The following MGAT5 variants were observed in gnomAD, a reference collection of about 807,000 sequenced individuals.
MGAT5 encodes the protein alpha-1,6-mannosylglycoprotein 6-beta-N-acetylglucosaminyltransferase, also known as alpha-1,6-mannosylglycoprotein 6-beta-N-acetylglucosaminyltransferase A.
MGAT5 carries 30 observed loss-of-function variants against 94.3 expected under a neutral mutation model. That is an observed-to-expected ratio of 0.32 (90% confidence interval 0.24 to 0.43). The LOEUF is 0.43. Ranked by LOEUF, MGAT5 falls within the 20% of genes least tolerant of loss-of-function variation. The pLI, the probability that MGAT5 is intolerant of heterozygous loss-of-function variation, is 1.00. For missense variants in MGAT5, 691 were observed against 905.5 expected, an observed-to-expected ratio of 0.76 and a Z score of 3.04; for synonymous variants, 310 against 322.9, an observed-to-expected ratio of 0.96 and a Z score of 0.43.
At chr2:134,169,605 G>C (rs1021808432) in intron 1 of MGAT5, among the ~76,000 whole-genome samples, 1 of 152,210 alleles carries the variant, frequency 6.6e-6, no homozygotes, top group East Asian at 1.9e-4. Context: ...GATGAATGCT[G>C]TGGTGGTATA....
At chr2:134,357,926 T>C (rs1176679238) in intron 9 of MGAT5, among the ~76,000 whole-genome samples, 2 of 152,098 alleles carry the variant, frequency 1.3e-5, no homozygotes, top group African/African-American at 4.8e-5. Flanking sequence ...AACATTACTA[T>C]GTATAGTTTT....
At chr2:134,372,870 C>A (rs1398015466) in intron 10 of MGAT5, among the ~76,000 whole-genome samples, 1 of 152,190 alleles carries the variant, frequency 6.6e-6, no homozygotes, top group Non-Finnish European at 1.5e-5. Flanking sequence ...GAAAAGAGGC[C>A]CTTGGTGCTC....
intron 1 of MGAT5, among the ~76,000 whole-genome samples, chr2:134,137,913 A>T (rs1236983489): frequency 6.6e-6 from 1 of 151,112 alleles, no homozygotes; most frequent in Non-Finnish European, 1.5e-5. Flanking sequence ...AAATGGAAAT[A>T]GCAAAGTTAT....
rs1279530936 is a variant in MGAT5 at position 134,452,438 on chromosome 2, GTTTC to G, written c.*3595_*3598del. 1 of 152,036 alleles carries G rather than the reference GTTTC, an allele frequency of 6.6e-6. No individual in the cohort carries two copies. Among genetic ancestry groups the G allele is most frequent in the Non-Finnish European group, 1.5e-5 (1 of 67,978 alleles). The allele number at this position is 152,036 out of a possible 1,614,324, so 9.4% of individuals were successfully genotyped here. A position where few individuals can be genotyped will look rare whatever the true frequency, so the allele number is the denominator to read the frequency against. On this transcript the variant is annotated 3_prime_UTR_variant, in exon 16 of 16. Coordinates refer to ENST00000281923, the MANE Select transcript of MGAT5 (RefSeq NM_002410.5). The stretch of plus-strand genomic sequence containing the variant: ...GGGAAAGAACGTGCACCCCTTTTTT[GTTTC>G]TTTAGTGAATGCAAGATTTAATAAA...
At chr2:134,154,514 G>A (rs1234410093) in intron 1 of MGAT5, among the ~76,000 whole-genome samples, 2 of 152,138 alleles carry the variant, frequency 1.3e-5, no homozygotes, top group Non-Finnish European at 2.9e-5. Flanking sequence ...CAGTGGTTCC[G>A]CCCGTCCAGG....
At chr2:134,281,413 T>G (rs1000773072) in intron 2 of MGAT5, among the ~76,000 whole-genome samples, 2 of 152,214 alleles carry the variant, frequency 1.3e-5, no homozygotes, top group Non-Finnish European at 2.9e-5. Flanking sequence ...GAGTTCACCA[T>G]CTACCGGAGG....
Position 134,403,071 on chromosome 2 carries a change from C to T in MGAT5, c.1464C>T (p.Pro488=), listed in dbSNP as rs759125599. 17 of 1,612,158 alleles carry T rather than the reference C, an allele frequency of 1.1e-5. No homozygotes were observed. The highest frequency in any genetic ancestry group is 1.4e-5 in the Non-Finnish European group (17 of 1,179,662). The stretch of plus-strand genomic sequence containing the variant: ...ATGGCTCCAGCACAAAGAATATTCC[C>T]AGTTACGTGAAAAACCATGGTATCC... ...TVYGSSTKNI[P]SYVKNHGILS... The change falls in exon 11 of 16, where the codon CCC becomes CCT. Residue 488 remains proline, a synonymous_variant. Transcript: ENST00000281923.
At chr2:134,239,108 C>T (rs1010564786) in intron 1 of MGAT5, among the ~76,000 whole-genome samples, 3 of 152,168 alleles carry the variant, frequency 2.0e-5, no homozygotes, top group Admixed American at 1.3e-4. Flanking sequence ...AAGCAATTCT[C>T]CTGCCTCAGC....
At chr2:134,212,730 G>T (rs1680267350) in intron 1 of MGAT5, among the ~76,000 whole-genome samples, 2 of 152,322 alleles carry the variant, frequency 1.3e-5, no homozygotes, top group South Asian at 4.1e-4. Flanking sequence ...ATGGAAAATG[G>T]TGGGAAGAGG....
chr2:134,169,188 A>G (rs1688083831), intron 1 of MGAT5, among the ~76,000 whole-genome samples: 1 of 152,170 alleles, frequency 6.6e-6, no homozygotes, highest in Non-Finnish European at 1.5e-5. Context: ...TTTTGTTTGT[A>G]GGGCATTTAT....
Position 134,254,202 on chromosome 2 carries a change from C to A in MGAT5, c.-202C>A. 1.6e-6 allele frequency: 1 copy of A among 608,218 alleles called. No individual in the cohort carries two copies. The highest frequency in any genetic ancestry group is 2.9e-6 in the Non-Finnish European group (1 of 347,130). 37.7% of individuals were successfully genotyped at this position (608,218 alleles called of 1,614,324 possible). On this transcript the variant is annotated 5_prime_UTR_variant, in exon 1 of 16. In the 5' UTR this introduces an upstream ATG that the reference lacks. Transcript: ENST00000281923. ...AGGTATTCAAGTGAAAACATGGCTT[C>A]TGGTTTATTTTGCTGTATTGTGCCA...
intron 2 of MGAT5, among the ~76,000 whole-genome samples, chr2:134,276,162 C>G (rs891301709): frequency 6.0e-5 from 9 of 150,402 alleles, no homozygotes; most frequent in Admixed American, 1.3e-4. Flanking sequence ...CAAGCCCCCC[C>G]ACCCCCGCCG....
At chr2:134,219,480 C>G (rs533184786) in intron 1 of MGAT5, among the ~76,000 whole-genome samples, 1 of 152,206 alleles carries the variant, frequency 6.6e-6, no homozygotes, top group Admixed American at 6.5e-5. Context: ...ACAGACAGTT[C>G]AATTATTGCA....
At chr2:134,348,998 G>T (rs1366987672) in intron 8 of MGAT5, among the ~76,000 whole-genome samples, 1 of 152,132 alleles carries the variant, frequency 6.6e-6, no homozygotes, top group Admixed American at 6.6e-5. Flanking sequence ...CAGCCATAGA[G>T]AATAGGTCAA....
chr2:134,404,727 C>A (rs752563724), intron 11 of MGAT5, among the ~76,000 whole-genome samples: 1 of 152,172 alleles, frequency 6.6e-6, no homozygotes, highest in Non-Finnish European at 1.5e-5. Context: ...TTGACAATTT[C>A]TTTAGCTTAT....
chr2:134,319,826 T>C, intron 4 of MGAT5: 1 of 338,198 alleles, frequency 3.0e-6, no homozygotes. Context: ...TGCATGTCTA[T>C]AGCAGTCATC....
chr2:134,318,698 G>A lies in MGAT5; in HGVS notation c.532G>A (p.Val178Met). The A allele has an allele frequency of 1.2e-6, 2 of 1,613,600 alleles. No homozygotes were observed. Among genetic ancestry groups the A allele is most frequent in the South Asian group, 1.1e-5 (1 of 91,072 alleles). ...AGATCCCTGCTACGCAGACTATGGA[G>A]TGGATGGATCCACCTGCTCTTTTTT... ...RSDPCYADYG[V>M]DGSTCSFFIY... Residue 178 changes from valine to methionine, a missense_variant, in exon 4 of 16, where the codon GTG becomes ATG. Around this residue, in one of 4 missense-constraint regions of MGAT5, gnomAD observed 307 missense variants for 335.4 expected, o/e 0.92. Transcript: ENST00000281923.
At chr2:134,221,248 A>G (rs1260657641) in intron 1 of MGAT5, among the ~76,000 whole-genome samples, 1 of 152,202 alleles carries the variant, frequency 6.6e-6, no homozygotes, top group African/African-American at 2.4e-5. Context: ...ACATCAATCA[A>G]ATACATTTAA....
chr2:134,144,514 A>G, intron 1 of MGAT5, among the ~76,000 whole-genome samples: 1 of 152,182 alleles, frequency 6.6e-6, no homozygotes, highest in Non-Finnish European at 1.5e-5. Context: ...AACACTGGGG[A>G]TTACAATTCT....
Sources: allele counts gnomAD v4.1 joint callset (sites outside exome capture counted in the v4.1 genomes callset), GRCh38; gene constraint gnomAD v4.1.1; regional missense constraint gnomAD v4.1.1; transcripts MANE v1.5; gene names NCBI Gene and HGNC (gene_info 2026-07-23, HGNC 2026-07-21).